ROR2: variants seen among roughly 807,000 people sequenced by gnomAD.
The protein encoded by ROR2 is tyrosine-protein kinase transmembrane receptor ROR2.
Under a neutral mutation model 74.9 loss-of-function variants are expected in ROR2, and 33 were observed. That is an observed-to-expected ratio of 0.44 (90% CI 0.33 to 0.59). The LOEUF (loss-of-function observed/expected upper bound fraction) is 0.59. Among genes scored for constraint, ROR2 ranks in the 20% least tolerant of loss-of-function variants. The pLI, the probability that ROR2 is intolerant of heterozygous loss-of-function variation, is 0.02. For synonymous variants in ROR2, 586 were observed against 558.7 expected (o/e 1.05, Z -0.69); for missense variants, 1,216 against 1,313.8 (o/e 0.93, Z 1.15).
intron 1 of ROR2, among the ~76,000 whole-genome samples, chr9:91,941,658 G>A (rs1365576310): frequency 6.6e-6 from 1 of 152,200 alleles, no homozygotes; most frequent in African/African-American, 2.4e-5. Flanking sequence ...GTCAGGGCCA[G>A]CACATGCACT....
intron 1 of ROR2, among the ~76,000 whole-genome samples, chr9:91,890,176 A>G (rs1045609383): frequency 6.6e-6 from 1 of 152,220 alleles, no homozygotes; most frequent in Non-Finnish European, 1.5e-5. Flanking sequence ...GAGAAAATCC[A>G]GAACCAGAGA....
chr9:91,903,217 G>C (rs61669795), intron 1 of ROR2, among the ~76,000 whole-genome samples: 1 of 152,276 alleles, frequency 6.6e-6, no homozygotes, highest in African/African-American at 2.4e-5. Flanking sequence ...GCCACATCCA[G>C]AGAGCAACAG....
At chr9:91,944,989 G>A (rs562105807) in intron 1 of ROR2, among the ~76,000 whole-genome samples, 3 of 152,006 alleles carry the variant, frequency 2.0e-5, no homozygotes, top group Non-Finnish European at 4.4e-5. Context: ...CCAGGAGGTA[G>A]AGGCTTAGCC....
Position 91,816,182 on chromosome 9 carries a change from G to T in ROR2, c.98-40364C>A, listed in dbSNP as rs560107895. Among the ~76,000 whole-genome samples, 8 of 152,212 alleles carry T rather than the reference G, an allele frequency of 5.3e-5. No individual in the cohort carries two copies. The South Asian group carries it at 1.5e-3, about 28-fold the overall frequency. ...TCTTTCTCCCTGGGCCTGCCCTCAC[G>T]GTAGCCACCAGCAACCTTGCTCGGG... On this transcript the variant is annotated intron_variant, in intron 1 of 8. Coordinates refer to ENST00000375708, the MANE Select transcript of ROR2 (RefSeq NM_004560.4).
At position 91,724,619 on chromosome 9, in the gene ROR2, G is replaced by T. The variant is rs372404679; in HGVS notation, c.1875C>A (p.Asp625Glu). 3.7e-6 allele frequency: 6 copies of T among 1,614,098 alleles called. No homozygotes were observed. The highest frequency in any genetic ancestry group is 5.1e-6 in the Non-Finnish European group (6 of 1,180,052). Residue 625 changes from aspartate (D) to glutamate (E), a missense_variant, in exon 9 of 9, where the codon GAC (aspartate) becomes GAA (glutamate). Asp to Glu is a conservative substitution (Grantham distance 45, BLOSUM62 2). Transcript: ENST00000375708. ...DLATRNVLVY[D>E]KLNVKISDLG... ...AGTCTGAGATCTTCACGTTCAGCTTGTCGTACACTAGCACATTGCGGGTGG... is the reference window on the plus strand; with the variant it reads ...AGTCTGAGATCTTCACGTTCAGCTTTTCGTACACTAGCACATTGCGGGTGG...
chr9:91,869,667 T>C (rs749827052), intron 1 of ROR2, among the ~76,000 whole-genome samples: 2 of 152,032 alleles, frequency 1.3e-5, no homozygotes, highest in African/African-American at 2.4e-5. Context: ...GGCTCGTGGG[T>C]GGAGGTAAAG....
intron 1 of ROR2, among the ~76,000 whole-genome samples, chr9:91,933,163 A>G (rs1438904816): frequency 1.3e-5 from 2 of 152,176 alleles, no homozygotes; most frequent in African/African-American, 2.4e-5. Context: ...ATACAAAAAA[A>G]AAATTAGCCG....
chr9:91,781,821 A>G (rs999534042), intron 1 of ROR2, among the ~76,000 whole-genome samples: 1 of 152,224 alleles, frequency 6.6e-6, no homozygotes, highest in Admixed American at 6.5e-5. Context: ...CCGTTTCACC[A>G]ATTTGAACTT....
In ROR2 at chr9:91,782,970, C is replaced by G. The variant is rs545091481; in HGVS notation, c.98-7152G>C. Reference sequence around the variant, plus strand: ...TGGGGCAGCCTAAACAATGGAAACGCCTTGTCTCAGTTCAGGAGGCTGGAA... The same window carrying G: ...TGGGGCAGCCTAAACAATGGAAACGGCTTGTCTCAGTTCAGGAGGCTGGAA... On this transcript the variant is annotated intron_variant, in intron 1 of 8. Coordinates refer to ENST00000375708, the MANE Select transcript of ROR2 (RefSeq NM_004560.4). Among the ~76,000 whole-genome samples, 12 of 152,280 alleles carry G rather than the reference C, an allele frequency of 7.9e-5. No homozygotes were observed. In the South Asian group the frequency reaches 2.3e-3, roughly 29 times the overall value.
intron 1 of ROR2, among the ~76,000 whole-genome samples, chr9:91,906,618 T>G (rs1054982982): frequency 1.3e-5 from 2 of 152,236 alleles, no homozygotes; most frequent in Non-Finnish European, 2.9e-5. Context: ...TTTTGTTCTT[T>G]CGTTGTTGTT....
chr9:91,885,242 G>C (rs1275982667), intron 1 of ROR2, among the ~76,000 whole-genome samples: 1 of 152,090 alleles, frequency 6.6e-6, no homozygotes, highest in African/African-American at 2.4e-5. Context: ...GAACAAAGCG[G>C]GAAGGCAAAC....
chr9:91,816,135 G>C (rs1239645664), intron 1 of ROR2, among the ~76,000 whole-genome samples: 1 of 152,072 alleles, frequency 6.6e-6, no homozygotes, highest in Non-Finnish European at 1.5e-5. Context: ...CCCAATACAG[G>C]TCTCGGAGCC....
At chr9:91,897,573 G>C in intron 1 of ROR2, among the ~76,000 whole-genome samples, 1 of 150,302 alleles carries the variant, frequency 6.7e-6, no homozygotes, top group Admixed American at 6.6e-5. Context: ...TGGGTGGGGG[G>C]GTATTCCAGG....
At chr9:91,738,661 A>G (rs190747391) in intron 4 of ROR2, among the ~76,000 whole-genome samples, 165 of 152,360 alleles carry the variant, frequency 1.1e-3, no homozygotes, top group Admixed American at 2.0e-3. Context: ...AGGGACTCCA[A>G]GAAGTCCAAG....
intron 1 of ROR2, among the ~76,000 whole-genome samples, chr9:91,784,267 T>C (rs1826721205): frequency 6.6e-6 from 1 of 152,156 alleles, no homozygotes; most frequent in Non-Finnish European, 1.5e-5. Context: ...CACGAAATGC[T>C]GTTTGCTCTA....
At chr9:91,731,294 T>C in intron 6 of ROR2, 139 bp from the exon 7 acceptor site, 1 of 1,224,686 alleles carries the variant, frequency 8.2e-7, no homozygotes, top group South Asian at 1.2e-5. Flanking sequence ...AGTAATGGCT[T>C]AATGAAGTCC....
chr9:91,869,477 C>T (rs67944481), intron 1 of ROR2, among the ~76,000 whole-genome samples: 37,565 of 152,062 alleles, frequency 0.25, 5,081 homozygotes, highest in Admixed American at 0.42. Context: ...AAATACTGCT[C>T]GGCAATAGAA....
At chr9:91,883,409 T>G (rs1403098306) in intron 1 of ROR2, 2 of 152,202 alleles carry the variant, frequency 1.3e-5, no homozygotes, top group Non-Finnish European at 1.5e-5. Context: ...GATATAAAAT[T>G]ATTAAGGTGA....
Position 91,723,622 on chromosome 9 carries a change from G to T in ROR2, c.*40C>A. 6.2e-7 allele frequency: 1 copy of T among 1,607,998 alleles called. No homozygotes were observed. Among genetic ancestry groups the T allele is most frequent in the Non-Finnish European group, 8.5e-7 (1 of 1,178,130 alleles). ...GTGACTGAGGTCCCTGTGGGGTCTC[G>T]GCGGGGCTTCTATCCCCGAACCCCG... On this transcript the variant is annotated 3_prime_UTR_variant, in exon 9 of 9. Transcript: ENST00000375708.
Sources: gnomAD v4.1 joint callset for allele counts (sites outside exome capture counted in the v4.1 genomes callset) on GRCh38, gnomAD v4.1.1 for gene constraint, MANE v1.5 for transcripts, NCBI Gene and HGNC (gene_info 2026-07-23, HGNC 2026-07-21) for gene names.